The following AP3M1 variants were observed in gnomAD, a reference collection of about 807,000 sequenced individuals.
The protein encoded by AP3M1 is AP-3 complex subunit mu-1.
Under a neutral mutation model 42.6 loss-of-function variants are expected in AP3M1, and 29 were observed. The ratio of observed to expected loss-of-function variants is 0.68; its 90% CI spans 0.51 to 0.93. The LOEUF is 0.93. AP3M1 is among the 40% of genes least tolerant of loss of function. AP3M1 has a pLI of 0.00. For missense variants in AP3M1, 416 were observed against 510.2 expected, an observed-to-expected ratio of 0.82 and a Z score of 1.78; for synonymous variants, 178 against 175.3, an observed-to-expected ratio of 1.02 and a Z score of -0.12.
intron 8 of AP3M1, 129 bp downstream of exon 8, chr10:74,124,249 AAG>A (rs1840550820): frequency 8.7e-6 from 10 of 1,147,394 alleles, no homozygotes; most frequent in Non-Finnish European, 1.2e-5. Flanking sequence ...CTGCCCCACC[AAG>A]CACAGTATAA....
At position 74,120,709 on chromosome 10, in the gene AP3M1, A is replaced by C. The variant is rs1564538372; in HGVS notation, c.*3101T>G. The C allele has an allele frequency of 6.6e-6, 1 of 152,046 alleles. No homozygotes were observed. Among genetic ancestry groups the C allele is most frequent in the South Asian group, 2.1e-4 (1 of 4,818 alleles). The allele number at this position is 152,046 out of a possible 1,614,324, so 9.4% of individuals were successfully genotyped here. On this transcript the variant is annotated 3_prime_UTR_variant, in exon 9 of 9. Coordinates refer to ENST00000355264, the MANE Select transcript of AP3M1 (RefSeq NM_012095.6). Reference sequence around the variant, plus strand: ...ATTTTTGTATTTTTAGTAGAGATGGAGTTTCACCATGTTGGCCAGGCTGGT... The same window carrying C: ...ATTTTTGTATTTTTAGTAGAGATGGCGTTTCACCATGTTGGCCAGGCTGGT...
Position 74,123,637 on chromosome 10 carries a change from C to A in AP3M1, c.*173G>T, listed in dbSNP as rs1358985331. ...CTAAGTCACTAAAAGGTTTCCTTAG[C>A]TTAAAGCTCCTTAAGAATCCTACAT... On this transcript the variant is annotated 3_prime_UTR_variant, in exon 9 of 9. Transcript: ENST00000355264. The A allele has an allele frequency of 1.2e-5, 7 of 601,012 alleles. No homozygotes were observed. The highest frequency in any genetic ancestry group is 2.1e-5 in the Non-Finnish European group (7 of 337,172). The allele number at this position is 601,012 out of a possible 1,614,324, so 37.2% of individuals were successfully genotyped here.
At chr10:74,148,811 C>A (rs571540966) in intron 1 of AP3M1, among the ~76,000 whole-genome samples, 1 of 152,214 alleles carries the variant, frequency 6.6e-6, no homozygotes, top group Admixed American at 6.5e-5. Flanking sequence ...CCCGCCTCAC[C>A]CACCCAAAGT....
chr10:74,144,605 C>T (rs1050376577), intron 1 of AP3M1, among the ~76,000 whole-genome samples: 2 of 151,848 alleles, frequency 1.3e-5, no homozygotes, highest in Non-Finnish European at 2.9e-5. Flanking sequence ...ATTTAAATAA[C>T]CATATATGGT....
At position 74,136,783 on chromosome 10, in the gene AP3M1, T is replaced by C; in HGVS notation, c.294A>G (p.Ser98=). Residue 98 remains serine (S), a synonymous_variant, in exon 3 of 9, where the codon TCA becomes TCG. Transcript: ENST00000355264. Reference sequence around the variant, plus strand: ...CCACATTATCCTTAATTGCAGCCTCTGAACACTCACCAAAGTAGTCCTGAC... The same window carrying C: ...CCACATTATCCTTAATTGCAGCCTCCGAACACTCACCAAAGTAGTCCTGAC... The part of the protein sequence containing the change: ...DTFQDYFGEC[S]EAAIKDNVVI... 1 of 1,532,372 alleles carries C rather than the reference T, an allele frequency of 6.5e-7. No homozygotes were observed. The highest frequency in any genetic ancestry group is 8.9e-7 in the Non-Finnish European group (1 of 1,123,778). 94.9% of individuals were successfully genotyped at this position (1,532,372 alleles called of 1,614,324 possible).
chr10:74,126,292 GC>G lies in AP3M1; in HGVS notation c.866del (p.Gly289AlafsTer5), dbSNP rs1157928373. 3.7e-6 allele frequency: 6 copies of G among 1,614,096 alleles called. No individual in the cohort carries two copies. The highest frequency in any genetic ancestry group is 3.4e-6 in the Non-Finnish European group (4 of 1,180,020). ...SISFKENSSC[G>X]RFDITIGPKQ... ...TTGGTCCAATTGTTATATCAAATCT[GC>G]CGCAAGAACTGTTCTCCTTAAAGCT... is the stretch of plus-strand genomic sequence containing the variant. On this transcript the variant is annotated frameshift_variant, in exon 7 of 9. Coordinates refer to ENST00000355264, the MANE Select transcript of AP3M1 (RefSeq NM_012095.6). LOFTEE classifies it high-confidence loss of function.
At chr10:74,129,868 G>A (rs1198337790) in intron 5 of AP3M1, 39 bp downstream of exon 5, 2 of 1,271,350 alleles carry the variant, frequency 1.6e-6, no homozygotes, top group African/African-American at 1.5e-5. Flanking sequence ...ACATGTATTA[G>A]GCATTCAAGG....
At chr10:74,136,833 ATGG>A in intron 2 of AP3M1, 30 bp from the exon 3 acceptor site, 1 of 1,440,120 alleles carries the variant, frequency 6.9e-7, no homozygotes, top group Admixed American at 2.2e-5. Context: ...ATATCACACA[ATGG>A]AAGGCAAAAA....
chr10:74,133,977 G>T, intron 4 of AP3M1, 50 bp downstream of exon 4: 3 of 1,604,806 alleles, frequency 1.9e-6, no homozygotes, highest in Non-Finnish European at 1.7e-6. Context: ...CTATTCATCT[G>T]TGTCAGATGA....
At chr10:74,126,963 G>A (rs781056504) in intron 6 of AP3M1, among the ~76,000 whole-genome samples, 3 of 78,990 alleles carry the variant, frequency 3.8e-5, no homozygotes, top group Admixed American at 2.2e-4. Context: ...GGAGCGAGAC[G>A]CCATCTCAAA....
rs916785456 is a variant in AP3M1, at chr10:74,136,083, C to T, written c.445+549G>A. On this transcript the variant is annotated intron_variant, in intron 3 of 8. Coordinates refer to ENST00000355264, the MANE Select transcript of AP3M1 (RefSeq NM_012095.6). ...TAAACCCAGCTGGAAGCTTACAACACAAGTACAGGCCCACAATGCATGAGA... is the reference window on the plus strand; with the variant it reads ...TAAACCCAGCTGGAAGCTTACAACATAAGTACAGGCCCACAATGCATGAGA... Among the ~76,000 whole-genome samples, 4 of 152,314 alleles carry T rather than the reference C, an allele frequency of 2.6e-5. No individual in the cohort carries two copies. In the South Asian group the frequency reaches 8.3e-4, roughly 32 times the overall value.
intron 4 of AP3M1, among the ~76,000 whole-genome samples, chr10:74,130,630 A>G (rs1170474047): frequency 1.3e-5 from 2 of 151,768 alleles, no homozygotes; most frequent in East Asian, 1.9e-4. Flanking sequence ...TTTTGTAGAG[A>G]CAGGGTCTTG....
chr10:74,143,706 G>A (rs866817146), intron 1 of AP3M1, among the ~76,000 whole-genome samples: 1 of 152,046 alleles, frequency 6.6e-6, no homozygotes, highest in Non-Finnish European at 1.5e-5. Context: ...AGAAAAGTTA[G>A]GTCAATTACC....
intron 1 of AP3M1, among the ~76,000 whole-genome samples, chr10:74,141,130 G>A (rs1043045818): frequency 3.3e-5 from 5 of 152,078 alleles, no homozygotes; most frequent in Non-Finnish European, 7.4e-5. Flanking sequence ...ACCCCTATCC[G>A]GAAAATATAA....
chr10:74,127,270 T>C (rs1462713516), intron 6 of AP3M1, among the ~76,000 whole-genome samples: 3 of 152,046 alleles, frequency 2.0e-5, no homozygotes, highest in Non-Finnish European at 4.4e-5. Context: ...GGGAGCTGAG[T>C]ACAGCATAAT....
chr10:74,134,691 C>T (rs1840890233), intron 3 of AP3M1, among the ~76,000 whole-genome samples: 1 of 152,172 alleles, frequency 6.6e-6, no homozygotes, highest in African/African-American at 2.4e-5. Context: ...AGCTCATTTC[C>T]TGGTAAACTG....
In AP3M1 at chr10:74,124,488, T is replaced by G; in HGVS notation, c.1048A>C (p.Lys350Gln). 6.2e-7 allele frequency: 1 copy of G among 1,610,922 alleles called. No individual in the cohort carries two copies. Among genetic ancestry groups the G allele is most frequent in the Non-Finnish European group, 8.5e-7 (1 of 1,179,136 alleles). Reference sequence around the variant, plus strand: ...ACCAGTCCTTTAAGACTTGGGAGCTTTTGTGGAGTAATTTTTCCCACATCC... The same window carrying G: ...ACCAGTCCTTTAAGACTTGGGAGCTGTTGTGGAGTAATTTTTCCCACATCC... ...TWDVGKITPQKLPSLKGLVNL... is the reference protein window; with the variant it reads ...TWDVGKITPQQLPSLKGLVNL... Residue 350 changes from lysine to glutamine, a missense_variant, in exon 8 of 9, where the codon AAG becomes CAG. Transcript: ENST00000355264.
intron 2 of AP3M1, among the ~76,000 whole-genome samples, chr10:74,137,239 CAAACA>C (rs374186440): frequency 1.9e-4 from 28 of 151,270 alleles, no homozygotes; most frequent in East Asian, 9.7e-4. Context: ...GACTCCGTCT[CAAACA>C]AAACAAAACA....
At chr10:74,140,979 C>G (rs975102325) in intron 1 of AP3M1, among the ~76,000 whole-genome samples, 1 of 151,954 alleles carries the variant, frequency 6.6e-6, no homozygotes, top group Non-Finnish European at 1.5e-5. Flanking sequence ...AGATACGATA[C>G]CAAAAGTACA....
Sources: gnomAD v4.1 joint callset for allele counts (sites outside exome capture counted in the v4.1 genomes callset) on GRCh38, gnomAD v4.1.1 for gene constraint, MANE v1.5 for transcripts, NCBI Gene and HGNC (gene_info 2026-07-23, HGNC 2026-07-21) for gene names.